TECPR2: variants seen among roughly 807,000 people sequenced by gnomAD.
TECPR2 encodes the protein tectonin beta-propeller repeat containing 2, also known as tectonin beta-propeller repeat-containing protein 2.
TECPR2 carries 65 observed loss-of-function variants against 138.1 expected under a neutral mutation model. The observed-to-expected ratio is 0.47, with a 90% CI of 0.39 to 0.58. The LOEUF is 0.58. Among genes scored for constraint, TECPR2 ranks in the 20% least tolerant of loss-of-function variants. The pLI is 0.00. For synonymous variants in TECPR2, 746 were observed against 749.8 expected (o/e 0.99, Z 0.08); for missense variants, 1,553 against 1,824.5 (o/e 0.85, Z 2.71).
In TECPR2 at chr14:102,415,850, C is replaced by A. The variant is rs571116665; in HGVS notation, c.638+1057C>A. Among the ~76,000 whole-genome samples the A allele has an allele frequency of 2.1e-4, 32 of 152,266 alleles. No homozygotes were observed. The highest frequency in any genetic ancestry group is 7.7e-4 in the African/African-American group (32 of 41,542). On this transcript the variant is annotated intron_variant, in intron 5 of 19. Coordinates refer to ENST00000359520, the MANE Select transcript of TECPR2 (RefSeq NM_014844.5). This position sits in a 1 kb window ranked among gnomAD's most constrained non-coding sequence, Gnocchi z 4.3. Reference sequence around the variant, plus strand: ...TTGAGGCTGGCCCTGTGGAGAGTGACAGCAGGGACTGGGAAACATGGTGAG... The same window carrying A: ...TTGAGGCTGGCCCTGTGGAGAGTGAAAGCAGGGACTGGGAAACATGGTGAG...
chr14:102,495,146 G>A (rs1891246503), intron 17 of TECPR2, among the ~76,000 whole-genome samples: 2 of 152,054 alleles, frequency 1.3e-5, no homozygotes, highest in Admixed American at 1.3e-4. Flanking sequence ...CCAGGGAGAT[G>A]GAGGTTGCAG....
intron 17 of TECPR2, among the ~76,000 whole-genome samples, chr14:102,486,498 T>C (rs952508992): frequency 2.0e-5 from 3 of 152,168 alleles, no homozygotes; most frequent in Admixed American, 6.5e-5. Flanking sequence ...AATAAAATCT[T>C]GTACATAAGC....
chr14:102,493,081 C>G (rs941322168), intron 17 of TECPR2, among the ~76,000 whole-genome samples: 2 of 152,254 alleles, frequency 1.3e-5, no homozygotes, highest in Non-Finnish European at 2.9e-5. Flanking sequence ...CTCAGAGACT[C>G]CACTTTGGTC....
chr14:102,464,882 G>A (rs1350473394), intron 16 of TECPR2, among the ~76,000 whole-genome samples: 1 of 152,188 alleles, frequency 6.6e-6, no homozygotes, highest in Non-Finnish European at 1.5e-5. Context: ...TGGAAGGGGT[G>A]CCGTGTGGCG....
rs184958683 is a variant in TECPR2 at position 102,431,063 on chromosome 14, G to A, written c.1085-733G>A. 2.4e-4 allele frequency among the ~76,000 whole-genome samples: 30 copies of A among 124,012 alleles called. No homozygotes were observed. In the East Asian group the frequency reaches 6.3e-3, roughly 26 times the overall value. 81.4% of individuals were successfully genotyped at this position (124,012 alleles called of 152,430 possible). ...TTTTTGAGACAGGTTTCACTCTGTCGTGCAGGCTGGAGTGCAGTGGCATGA... is the reference window on the plus strand; with the variant it reads ...TTTTTGAGACAGGTTTCACTCTGTCATGCAGGCTGGAGTGCAGTGGCATGA... On this transcript the variant is annotated intron_variant, in intron 7 of 19. Coordinates refer to ENST00000359520, the MANE Select transcript of TECPR2 (RefSeq NM_014844.5).
chr14:102,410,699 C>G (rs12894740), intron 4 of TECPR2, among the ~76,000 whole-genome samples: 22,330 of 147,178 alleles, frequency 0.15, 6 homozygotes, highest in Non-Finnish European at 0.22. Flanking sequence ...ACTGTGCCCC[C>G]CCTCAAAAAA....
intron 11 of TECPR2, among the ~76,000 whole-genome samples, chr14:102,441,504 CTG>C (rs1048639446): frequency 6.7e-6 from 1 of 149,152 alleles, no homozygotes; most frequent in African/African-American, 2.5e-5. Context: ...TGGTGAAACT[CTG>C]TCTCTACTAA....
chr14:102,363,177 G>T, intron 1 of TECPR2, 61 bp downstream of exon 1: 1 of 311,928 alleles, frequency 3.2e-6, no homozygotes, highest in Non-Finnish European at 5.8e-6. Context: ...GCCTGGCCCC[G>T]AGCCCCTCCT....
At chr14:102,381,411 T>C (rs1364328600) in intron 2 of TECPR2, among the ~76,000 whole-genome samples, 1 of 152,152 alleles carries the variant, frequency 6.6e-6, no homozygotes, top group African/African-American at 2.4e-5. Flanking sequence ...CCATCTCTAC[T>C]AAAAATACAA....
intron 2 of TECPR2, among the ~76,000 whole-genome samples, chr14:102,403,834 A>G (rs1048411297): frequency 6.6e-6 from 1 of 152,236 alleles, no homozygotes. Flanking sequence ...AACATTGCTG[A>G]AAGAAATTAA....
At chr14:102,363,908 T>C (rs1388597931) in intron 1 of TECPR2, among the ~76,000 whole-genome samples, 1 of 152,252 alleles carries the variant, frequency 6.6e-6, no homozygotes, top group East Asian at 1.9e-4. Flanking sequence ...GCCTGCGTTC[T>C]CGCCCTCTAG....
chr14:102,439,338 G>A (rs574420405), intron 10 of TECPR2, among the ~76,000 whole-genome samples: 3 of 152,120 alleles, frequency 2.0e-5, no homozygotes, highest in Admixed American at 6.5e-5. Flanking sequence ...ACTGTGTTTC[G>A]GGATGAATTT....
chr14:102,442,264 A>C (rs1453854883), intron 11 of TECPR2, among the ~76,000 whole-genome samples: 2 of 152,242 alleles, frequency 1.3e-5, no homozygotes, highest in Admixed American at 1.3e-4. Context: ...GGCGTGAGCC[A>C]CCGGCCTCAG....
chr14:102,396,422 A>G (rs4906195), intron 2 of TECPR2, among the ~76,000 whole-genome samples: 54,401 of 152,068 alleles, frequency 0.36, 10,021 homozygotes, highest in Middle Eastern at 0.49. Flanking sequence ...ATAAGAGCTC[A>G]GCATATTCAT....
At chr14:102,374,071 CAAAAAAAAAAAAA>C (rs953998203) in intron 1 of TECPR2, among the ~76,000 whole-genome samples, 1 of 56,078 alleles carries the variant, frequency 1.8e-5, no homozygotes, top group Non-Finnish European at 4.0e-5. Context: ...GATTCTGTCT[CAAAAAAAAAAAAA>C]AAAAAGAAAA....
chr14:102,475,341 G>C (rs1201229516), intron 17 of TECPR2, among the ~76,000 whole-genome samples: 1 of 152,208 alleles, frequency 6.6e-6, no homozygotes, highest in East Asian at 1.9e-4. Context: ...CACAGGCCGG[G>C]GCAGGGAGGG....
In TECPR2 at chr14:102,452,670, C is replaced by G. The variant is rs529377640; in HGVS notation, c.3640+43C>G. 2.8e-5 allele frequency: 42 copies of G among 1,478,274 alleles called. No homozygotes were observed. The African/African-American group carries it at 5.4e-4, about 19-fold the overall frequency. The allele number at this position is 1,478,274 out of a possible 1,614,324, so 91.6% of individuals were successfully genotyped here. A position where few individuals can be genotyped will look rare whatever the true frequency, so the allele number is the denominator to read the frequency against. On this transcript the variant is annotated intron_variant, in intron 16 of 19. Coordinates refer to ENST00000359520, the MANE Select transcript of TECPR2 (RefSeq NM_014844.5). ...GTACACCTGCCGGTGCCCTGACTGC[C>G]CTAAACCGGCATCACAACGTGATGT...
chr14:102,432,960 C>T lies in TECPR2; in HGVS notation c.1417+832C>T, dbSNP rs143099425. Among the ~76,000 whole-genome samples the T allele has an allele frequency of 1.1e-3, 159 of 149,374 alleles. 1 individual carries two copies. In the East Asian group the frequency reaches 0.029, roughly 27 times the overall value. ...CAGAGGATGCAGTGAGCCGAGGTCA[C>T]GCCACTGCACTCCAGCCTCGCAACA... On this transcript the variant is annotated intron_variant, in intron 8 of 19. Transcript: ENST00000359520.
intron 15 of TECPR2, among the ~76,000 whole-genome samples, chr14:102,450,972 T>C (rs975228027): frequency 3.9e-5 from 6 of 152,216 alleles, no homozygotes; most frequent in Non-Finnish European, 7.4e-5. Flanking sequence ...CCACAGCTTC[T>C]TTGGGCACCT....
Sources: gnomAD v4.1 joint callset for allele counts (sites outside exome capture counted in the v4.1 genomes callset) on GRCh38, gnomAD v4.1.1 for gene constraint, Gnocchi (gnomAD v3.1) non-coding constraint, MANE v1.5 for transcripts, NCBI Gene and HGNC (gene_info 2026-07-23, HGNC 2026-07-21) for gene names.